Variants in UBTF observed in about 807,000 individuals in gnomAD.
UBTF encodes the protein nucleolar transcription factor 1.
In UBTF, 8 loss-of-function variants were observed where a neutral mutation model predicts 112.3. The observed-to-expected ratio is 0.07, with a 90% CI of 0.04 to 0.13. The LOEUF (loss-of-function observed/expected upper bound fraction) is 0.13, where lower values mean the gene tolerates loss of function less well. UBTF is among the 10% of genes least tolerant of loss of function. The pLI is 1.00. For synonymous variants in UBTF, 417 were observed against 373.1 expected (o/e 1.12, Z -1.36); for missense variants, 457 against 982.1 (o/e 0.47, Z 7.15).
Position 44,210,804 on chromosome 17 carries a change from A to G in UBTF, c.1347T>C (p.Ser449=). ...CAGGCAGCCTGACCTTCTTCTTCTC[A>G]GACAGGTCGTTCCACATTCGGGCCA... is the stretch of plus-strand genomic sequence containing the variant. ...RLLARMWNDL[S]EKKKAKYKAR... Residue 449 remains serine (S), a synonymous_variant, in exon 13 of 21, where the codon TCT becomes TCC. Coordinates refer to ENST00000436088, the MANE Select transcript of UBTF (RefSeq NM_014233.4). 1 of 1,565,816 alleles carries G rather than the reference A, an allele frequency of 6.4e-7. No homozygotes were observed. The highest frequency in any genetic ancestry group is 2.4e-5 in the East Asian group (1 of 41,922).
intron 6 of UBTF, 30 bp from the exon 7 acceptor site, chr17:44,212,969 C>G (rs778474964): frequency 6.2e-7 from 1 of 1,611,436 alleles, no homozygotes; most frequent in Non-Finnish European, 8.5e-7. Flanking sequence ...CAAGGATCAG[C>G]AGGGGACGCT....
rs1567813514 is a variant in UBTF, at chr17:44,219,612, GT to G, written c.-236del. 3.8e-4 allele frequency: 10 copies of G among 26,258 alleles called. No individual in the cohort carries two copies. Among genetic ancestry groups the G allele is most frequent in the Admixed American group, 9.0e-4 (1 of 1,116 alleles). The allele number at this position is 26,258 out of a possible 1,614,324, so 1.6% of individuals were successfully genotyped here. On this transcript the variant is annotated 5_prime_UTR_variant, in exon 1 of 21. Transcript: ENST00000436088. Reference sequence around the variant, plus strand: ...CGCTGGGGCGGCGGCTGCTGCTGCTGTGGCGGCGGCGGCGGCGGCGGCGGCT... The same window carrying G: ...CGCTGGGGCGGCGGCTGCTGCTGCTGGGCGGCGGCGGCGGCGGCGGCGGCT...
Position 44,210,693 on chromosome 17 carries a change from G to A in UBTF, c.1359+99C>T, listed in dbSNP as rs573296383. On this transcript the variant is annotated intron_variant, in intron 13 of 20. Coordinates refer to ENST00000436088, the MANE Select transcript of UBTF (RefSeq NM_014233.4). The stretch of plus-strand genomic sequence containing the variant: ...CCACGTCCCAGCCCAGGCACCGCGT[G>A]GCTCAGGCGGCCAGGGGCGAGGTGG... 1.5e-5 allele frequency: 23 copies of A among 1,491,032 alleles called. No homozygotes were observed. The Admixed American group carries it at 3.0e-4, about 19-fold the overall frequency. 92.4% of individuals were successfully genotyped at this position (1,491,032 alleles called of 1,614,324 possible).
In UBTF at chr17:44,215,666, C is replaced by G; in HGVS notation, c.462G>C (p.Pro154=). 1 of 1,613,978 alleles carries G rather than the reference C, an allele frequency of 6.2e-7. No homozygotes were observed. Among genetic ancestry groups the G allele is most frequent in the Non-Finnish European group, 8.5e-7 (1 of 1,179,994 alleles). ...CTCCTCCCCCCACCTTCTTCTTCTC[C>G]GGAAGCTCCTTGTATTTCTTGGACA... is the stretch of plus-strand genomic sequence containing the variant. ...KILSKKYKEL[P]EKKKMKYIQD... Residue 154 remains proline, a synonymous_variant, in exon 5 of 21, where the codon CCG becomes CCC. Coordinates refer to ENST00000436088, the MANE Select transcript of UBTF (RefSeq NM_014233.4).
At chr17:44,218,749 C>A (rs549478602) in intron 1 of UBTF, among the ~76,000 whole-genome samples, 2 of 151,740 alleles carry the variant, frequency 1.3e-5, no homozygotes, top group East Asian at 3.9e-4. Flanking sequence ...CGCCTCCCCC[C>A]GGCCGGTTCC....
chr17:44,219,009 G>C (rs1171511460), intron 1 of UBTF: 2 of 132,826 alleles, frequency 1.5e-5, no homozygotes, highest in Non-Finnish European at 3.2e-5. Flanking sequence ...CGACGCGCAC[G>C]GAGGAGCCCG....
At chr17:44,213,190 G>T in intron 6 of UBTF, 28 bp downstream of exon 6, 1 of 1,609,282 alleles carries the variant, frequency 6.2e-7, no homozygotes, top group East Asian at 2.2e-5. Context: ...AGTGCCCCGT[G>T]GCCCTCCTCT....
At chr17:44,217,244 C>A (rs2046892228) in intron 2 of UBTF, among the ~76,000 whole-genome samples, 1 of 152,156 alleles carries the variant, frequency 6.6e-6, no homozygotes, top group Non-Finnish European at 1.5e-5. Flanking sequence ...ACCCACCACC[C>A]CCTAGCCCCT....
rs2046962910 is a variant in UBTF at position 44,218,499 on chromosome 17, C to T, written c.-67-203G>A. The T allele has an allele frequency of 8.7e-6, 4 of 457,342 alleles. No homozygotes were observed. The South Asian group carries it at 9.8e-5, about 11-fold the overall frequency. 28.3% of individuals were successfully genotyped at this position (457,342 alleles called of 1,614,324 possible). On this transcript the variant is annotated intron_variant, in intron 1 of 20. Coordinates refer to ENST00000436088, the MANE Select transcript of UBTF (RefSeq NM_014233.4). ...CTCCCCCAGCCCCTGCAGCCCGGCT[C>T]CGCGGCGCGCGCCCTCCCCTGGCCA...
chr17:44,212,785 A>G, intron 7 of UBTF, 34 bp downstream of exon 7: 2 of 1,611,964 alleles, frequency 1.2e-6, no homozygotes, highest in Non-Finnish European at 1.7e-6. Context: ...ACCGCCGTGC[A>G]TCCTCCACCC....
Position 44,205,884 on chromosome 17 carries a change from AAG to A in UBTF, c.*1356_*1357del, listed in dbSNP as rs71651947. On this transcript the variant is annotated 3_prime_UTR_variant, in exon 21 of 21. Coordinates refer to ENST00000436088, the MANE Select transcript of UBTF (RefSeq NM_014233.4). ...CCAAAAAATACGGGAGATGGCTGGGAAGAGTTAGAGACAGCTGCAGATGCAGC... is the reference window on the plus strand; with the variant it reads ...CCAAAAAATACGGGAGATGGCTGGGAAGTTAGAGACAGCTGCAGATGCAGC... 5,271 of 152,332 alleles carry A rather than the reference AAG, an allele frequency of 0.035. 114 individuals carry two copies. Among genetic ancestry groups the A allele is most frequent in the East Asian group, 0.058 (303 of 5,184 alleles). 9.4% of individuals were successfully genotyped at this position (152,332 alleles called of 1,614,324 possible). A position where few individuals can be genotyped will look rare whatever the true frequency, so the allele number is the denominator to read the frequency against.
At position 44,210,940 on chromosome 17, in the gene UBTF, G is replaced by T; in HGVS notation, c.1211C>A (p.Ser404Tyr). 6.2e-7 allele frequency: 1 copy of T among 1,606,944 alleles called. No homozygotes were observed. Among genetic ancestry groups the T allele is most frequent in the Middle Eastern group, 1.7e-4 (1 of 5,962 alleles). ...KPAQEGGKGG[S>Y]EKPKRPVSAM... The stretch of plus-strand genomic sequence containing the variant: ...CGACACGGGCCGCTTGGGCTTCTCG[G>T]AGCCGCCCTGTCCAGGTGCAGAGGG... Residue 404 changes from serine (S) to tyrosine (Y), a missense_variant, in exon 13 of 21, where the codon TCC (serine) becomes TAC (tyrosine). Transcript: ENST00000436088.
chr17:44,211,355 A>G lies in UBTF; in HGVS notation c.1048-24T>C. On this transcript the variant is annotated intron_variant, in intron 10 of 20. Transcript: ENST00000436088. This position sits in a 1 kb window ranked among gnomAD's most constrained non-coding sequence, Gnocchi z 4.9. Reference sequence around the variant, plus strand: ...TTCTGGGAAAGTGAGTGGAGTCAGGATCAGTCTGGAGACAGTGTCACCACA... The same window carrying G: ...TTCTGGGAAAGTGAGTGGAGTCAGGGTCAGTCTGGAGACAGTGTCACCACA... 1.2e-6 allele frequency: 2 copies of G among 1,613,782 alleles called. No individual in the cohort carries two copies. Among genetic ancestry groups the G allele is most frequent in the South Asian group, 2.2e-5 (2 of 91,026 alleles).
chr17:44,220,175 C>T (rs969810467), upstream of UBTF, among the ~76,000 whole-genome samples: 1 of 151,802 alleles, frequency 6.6e-6, no homozygotes, highest in Non-Finnish European at 1.5e-5. Context: ...CCGAGAGCGA[C>T]CTCGCCAGAC....
intron 17 of UBTF, 121 bp downstream of exon 17, chr17:44,209,231 G>A (rs2144529240): frequency 4.0e-6 from 4 of 999,710 alleles, no homozygotes; most frequent in South Asian, 1.9e-5. Flanking sequence ...GGATTGCGAG[G>A]GCATGGAATG....
chr17:44,210,776 CGCCAGGCA>C lies in UBTF; in HGVS notation c.1359+8_1359+15del. ...CAGCCCCCCTGGGGGCACAGCGCTC[CGCCAGGCA>C]GCCTGACCTTCTTCTTCTCAGACAG... On this transcript the variant is annotated splice_region_variant and intron_variant, in intron 13 of 20. Transcript: ENST00000436088. 1.3e-6 allele frequency: 2 copies of C among 1,556,424 alleles called. No individual in the cohort carries two copies. The highest frequency in any genetic ancestry group is 1.7e-6 in the Non-Finnish European group (2 of 1,149,698).
rs371691378 is a variant in UBTF at position 44,205,983 on chromosome 17, G to C, written c.*1259C>G. 2.2e-4 allele frequency: 34 copies of C among 152,150 alleles called. No homozygotes were observed. Among genetic ancestry groups the C allele is most frequent in the African/African-American group, 7.0e-4 (29 of 41,406 alleles). 9.4% of individuals were successfully genotyped at this position (152,150 alleles called of 1,614,324 possible). ...AGACCTGAGAAATTAAAGGAAATAG[G>C]GGGTGGTGGGAGGATTCAAGGAAGG... On this transcript the variant is annotated 3_prime_UTR_variant, in exon 21 of 21. Transcript: ENST00000436088.
At chr17:44,210,764 G>C in intron 13 of UBTF, 28 bp downstream of exon 13, 5 of 1,553,378 alleles carry the variant, frequency 3.2e-6, no homozygotes, top group Non-Finnish European at 4.4e-6. Context: ...CCCCCCTGGG[G>C]GCACAGCGCT....
At position 44,210,111 on chromosome 17, in the gene UBTF, G is replaced by T. The variant is rs779802571; in HGVS notation, c.1626+13C>A. The T allele has an allele frequency of 1.2e-6, 2 of 1,612,796 alleles. No individual in the cohort carries two copies. The highest frequency in any genetic ancestry group is 1.1e-5 in the South Asian group (1 of 91,060). ...GCTTTCAATGAATGGGGTGGCCCCA[G>T]CCCCATTCCTACCTCATATCGCTTT... On this transcript the variant is annotated intron_variant, in intron 15 of 20. Coordinates refer to ENST00000436088, the MANE Select transcript of UBTF (RefSeq NM_014233.4).
Sources: gnomAD v4.1 joint callset for allele counts (sites outside exome capture counted in the v4.1 genomes callset) on GRCh38, gnomAD v4.1.1 for gene constraint, Gnocchi (gnomAD v3.1) non-coding constraint, MANE v1.5 for transcripts, NCBI Gene and HGNC (gene_info 2026-07-23, HGNC 2026-07-21) for gene names.